The following FOXN3 variants were observed in gnomAD, a reference collection of about 807,000 sequenced individuals.
The protein encoded by FOXN3 is forkhead box protein N3.
FOXN3 carries 7 observed loss-of-function variants against 38.4 expected under a neutral mutation model. That is an observed-to-expected ratio of 0.18 (90% confidence interval 0.10 to 0.34). FOXN3 has a LOEUF of 0.34. Among genes scored for constraint, FOXN3 ranks in the 10% least tolerant of loss-of-function variants. FOXN3 has a pLI of 1.00. For synonymous variants in FOXN3, 230 were observed against 242.2 expected (o/e 0.95, Z 0.47); for missense variants, 456 against 613.4 (o/e 0.74, Z 2.71).
chr14:89,514,212 C>T (rs1566682506), intron 1 of FOXN3, among the ~76,000 whole-genome samples: 1 of 152,160 alleles, frequency 6.6e-6, no homozygotes, highest in Non-Finnish European at 1.5e-5. Context: ...GGCTGGGGAA[C>T]CAAGCCTTCC....
At chr14:89,362,036 GCAC>G (rs1329620339) in intron 2 of FOXN3, among the ~76,000 whole-genome samples, 71 of 348 alleles carry the variant, frequency 0.2, 21 homozygotes, top group East Asian at 0.67. Context: ...ACCACCTCCA[GCAC>G]CACCACCTCC....
At chr14:89,587,701 C>T in intron 1 of FOXN3, among the ~76,000 whole-genome samples, 1 of 151,868 alleles carries the variant, frequency 6.6e-6, no homozygotes, top group Non-Finnish European at 1.5e-5. Flanking sequence ...AACCTCGTCT[C>T]TACTAAAATA....
At chr14:89,416,112 CCGCCCACCCAGCACGCG>C (rs1891709985) in intron 1 of FOXN3, among the ~76,000 whole-genome samples, 2 of 152,204 alleles carry the variant, frequency 1.3e-5, no homozygotes, top group African/African-American at 4.8e-5. Flanking sequence ...CGGGTCACCC[CCGCCCACCCAGCACGCG>C]CGCGCGCGCA....
At chr14:89,231,755 C>T (rs903233511) in intron 4 of FOXN3, among the ~76,000 whole-genome samples, 2 of 152,148 alleles carry the variant, frequency 1.3e-5, no homozygotes, top group East Asian at 3.9e-4. Flanking sequence ...GCCTACCTTG[C>T]GGTGCCTCTA....
chr14:89,227,999 CA>C (rs1884695956), intron 4 of FOXN3, among the ~76,000 whole-genome samples: 1 of 152,326 alleles, frequency 6.6e-6, no homozygotes, highest in African/African-American at 2.4e-5. Flanking sequence ...CTCAGCCCCC[CA>C]AAGTGCTAGT....
chr14:89,544,050 T>A (rs1175460756), intron 1 of FOXN3, among the ~76,000 whole-genome samples: 1 of 152,148 alleles, frequency 6.6e-6, no homozygotes, highest in Non-Finnish European at 1.5e-5. Flanking sequence ...TTAATGGGTA[T>A]ACAGTCTGGT....
chr14:89,487,847 G>A (rs923683544), intron 1 of FOXN3, among the ~76,000 whole-genome samples: 4 of 152,114 alleles, frequency 2.6e-5, no homozygotes, highest in Admixed American at 2.0e-4. Flanking sequence ...GGTGAGGAGT[G>A]GGGGGTGCCA....
chr14:89,418,178 G>C (rs1891805070), upstream of FOXN3, among the ~76,000 whole-genome samples: 3 of 152,134 alleles, frequency 2.0e-5, no homozygotes, highest in Admixed American at 1.3e-4. Context: ...ATTACTCCCA[G>C]GTAGCCAAAT....
At chr14:89,173,082 T>C (rs1460390310) in intron 5 of FOXN3, among the ~76,000 whole-genome samples, 2 of 152,172 alleles carry the variant, frequency 1.3e-5, no homozygotes, top group Non-Finnish European at 2.9e-5. Context: ...AAGATTGATA[T>C]GTAGACTATA....
chr14:89,564,836 T>C (rs1379984989), intron 1 of FOXN3, among the ~76,000 whole-genome samples: 1 of 152,152 alleles, frequency 6.6e-6, no homozygotes, highest in Non-Finnish European at 1.5e-5. Flanking sequence ...CTCATGCCTG[T>C]AATCCCAATA....
chr14:89,412,561 G>A lies in FOXN3; in HGVS notation c.-14-71C>T. On this transcript the variant is annotated intron_variant, in intron 1 of 5. Transcript: ENST00000557258. This position sits in a 1 kb window ranked among gnomAD's most constrained non-coding sequence, Gnocchi z 4.7. The stretch of plus-strand genomic sequence containing the variant: ...ACAGAAAGGCAGACTGTACCCCTCT[G>A]ATCCTGTTGCCTCCCTCTGCCGCCT... 2.3e-6 allele frequency: 3 copies of A among 1,330,332 alleles called. No homozygotes were observed. Among genetic ancestry groups the A allele is most frequent in the Non-Finnish European group, 2.0e-6 (2 of 978,226 alleles). The allele number at this position is 1,330,332 out of a possible 1,614,324, so 82.4% of individuals were successfully genotyped here. A position where few individuals can be genotyped will look rare whatever the true frequency, so the allele number is the denominator to read the frequency against.
intron 3 of FOXN3, among the ~76,000 whole-genome samples, chr14:89,287,747 G>A (rs1886675397): frequency 1.7e-5 from 1 of 60,576 alleles, no homozygotes; most frequent in African/African-American, 6.6e-5. Flanking sequence ...TCTAAAGAAT[G>A]CTAAAAAAAA....
At chr14:89,350,601 A>G in intron 3 of FOXN3, 71 bp downstream of exon 3, 1 of 1,305,350 alleles carries the variant, frequency 7.7e-7, no homozygotes, top group Non-Finnish European at 1.0e-6. Flanking sequence ...TATTAAATTA[A>G]TTTCCGCGCA....
chr14:89,171,102 T>C (rs1266051416), intron 5 of FOXN3, among the ~76,000 whole-genome samples: 1 of 151,864 alleles, frequency 6.6e-6, no homozygotes, highest in African/African-American at 2.4e-5. Flanking sequence ...AAAGAAATGA[T>C]ACAAATGAAA....
intron 3 of FOXN3, among the ~76,000 whole-genome samples, chr14:89,301,738 A>C (rs1221224251): frequency 3.9e-5 from 6 of 152,294 alleles, no homozygotes; most frequent in Middle Eastern, 3.4e-3. Context: ...ACTGCACTCC[A>C]GCCTGGGCTA....
chr14:89,485,292 C>T (rs1026622932), intron 1 of FOXN3, among the ~76,000 whole-genome samples: 12 of 152,268 alleles, frequency 7.9e-5, no homozygotes, highest in African/African-American at 2.4e-4. Flanking sequence ...GCTCCCATCC[C>T]TGACTACAGC....
chr14:89,170,308 G>C (rs1394732333), intron 5 of FOXN3, among the ~76,000 whole-genome samples: 1 of 152,148 alleles, frequency 6.6e-6, no homozygotes, highest in Non-Finnish European at 1.5e-5. Context: ...AATTGATCAA[G>C]CTGACACGCA....
chr14:89,412,557 C>T lies in FOXN3; in HGVS notation c.-14-67G>A, dbSNP rs766978248. The T allele has an allele frequency of 9.4e-6, 13 of 1,375,820 alleles. No individual in the cohort carries two copies. The highest frequency in any genetic ancestry group is 1.3e-5 in the Non-Finnish European group (13 of 1,015,662). The allele number at this position is 1,375,820 out of a possible 1,614,324, so 85.2% of individuals were successfully genotyped here. A position where few individuals can be genotyped will look rare whatever the true frequency, so the allele number is the denominator to read the frequency against. ...CAAAACAGAAAGGCAGACTGTACCC[C>T]TCTGATCCTGTTGCCTCCCTCTGCC... On this transcript the variant is annotated intron_variant, in intron 1 of 5. Coordinates refer to ENST00000557258, the MANE Select transcript of FOXN3 (RefSeq NM_005197.4). The surrounding 1 kb of genome is among the most constrained non-coding windows in gnomAD (Gnocchi z 4.7).
chr14:89,442,083 C>T (rs775202956), intron 1 of FOXN3, among the ~76,000 whole-genome samples: 1 of 152,090 alleles, frequency 6.6e-6, no homozygotes, highest in Non-Finnish European at 1.5e-5. Context: ...TGCGCCACCA[C>T]GCTTGGCTAA....
Sources: allele counts gnomAD v4.1 joint callset (sites outside exome capture counted in the v4.1 genomes callset), GRCh38; gene constraint gnomAD v4.1.1; non-coding constraint Gnocchi (gnomAD v3.1); transcripts MANE v1.5; gene names NCBI Gene and HGNC (gene_info 2026-07-23, HGNC 2026-07-21).